NFATC2: variants seen among roughly 807,000 people sequenced by gnomAD.
NFATC2 encodes nuclear factor of activated T-cells, cytoplasmic 2.
Under a neutral mutation model 87.3 loss-of-function variants are expected in NFATC2, and 22 were observed. The ratio of observed to expected loss-of-function variants is 0.25; its 90% CI spans 0.18 to 0.36. The LOEUF (loss-of-function observed/expected upper bound fraction) is 0.36. NFATC2 is among the 10% of genes least tolerant of loss of function. The probability of loss-of-function intolerance (pLI) is 1.00; values close to 1 mark genes in which losing one functional copy is unlikely to be tolerated. For missense variants in NFATC2, 1,149 were observed against 1,259.1 expected, an observed-to-expected ratio of 0.91 and a Z score of 1.32; for synonymous variants, 565 against 542.2, an observed-to-expected ratio of 1.04 and a Z score of -0.58.
At chr20:51,490,996 A>T (rs968359419) in intron 3 of NFATC2, among the ~76,000 whole-genome samples, 1 of 152,068 alleles carries the variant, frequency 6.6e-6, no homozygotes, top group African/African-American at 2.4e-5. Context: ...GATTAAGAAA[A>T]CCACCCAGGT....
intron 1 of NFATC2, among the ~76,000 whole-genome samples, chr20:51,539,600 AAGCCTCCGAGT>A (rs1208527787): frequency 6.6e-6 from 1 of 152,102 alleles, no homozygotes; most frequent in Admixed American, 6.5e-5. Flanking sequence ...TCTCCTACCT[AAGCCTCCGAGT>A]AGCTGGGAAG....
intron 9 of NFATC2, among the ~76,000 whole-genome samples, chr20:51,424,275 G>A (rs1222045313): frequency 6.6e-6 from 1 of 152,222 alleles, no homozygotes; most frequent in African/African-American, 2.4e-5. Context: ...TGAATTTACA[G>A]AGGTAGCCTG....
Position 51,389,954 on chromosome 20 carries a change from ATGGCTGAAAAATGAATCCCCCGC to A in NFATC2, c.*1519_*1541del, listed in dbSNP as rs1274849702. 1 of 152,202 alleles carries A rather than the reference ATGGCTGAAAAATGAATCCCCCGC, an allele frequency of 6.6e-6. No individual in the cohort carries two copies. Among genetic ancestry groups the A allele is most frequent in the Non-Finnish European group, 1.5e-5 (1 of 68,034 alleles). 9.4% of individuals were successfully genotyped at this position (152,202 alleles called of 1,614,324 possible). A position where few individuals can be genotyped will look rare whatever the true frequency, so the allele number is the denominator to read the frequency against. On this transcript the variant is annotated 3_prime_UTR_variant, in exon 11 of 11. Coordinates refer to ENST00000371564, the MANE Select transcript of NFATC2 (RefSeq NM_012340.5). Reference sequence around the variant, plus strand: ...TGCGGATTATTGAGGAAACAACTGAATGGCTGAAAAATGAATCCCCCGCTTGTCCTGGGGTATCTGCAGTACAT... The same window carrying A: ...TGCGGATTATTGAGGAAACAACTGAATTGTCCTGGGGTATCTGCAGTACAT...
chr20:51,423,276 T>G (rs1600701044), intron 9 of NFATC2, among the ~76,000 whole-genome samples: 1 of 109,064 alleles, frequency 9.2e-6, no homozygotes, highest in African/African-American at 3.9e-5. Flanking sequence ...GGTGACAGAG[T>G]GAGAGACCCT....
chr20:51,398,190 A>G (rs1568925650), intron 10 of NFATC2, among the ~76,000 whole-genome samples: 2 of 152,170 alleles, frequency 1.3e-5, no homozygotes, highest in African/African-American at 4.8e-5. Flanking sequence ...AGGATTGGAA[A>G]TGACCTAAGC....
chr20:51,504,417 T>C (rs1038635250), intron 3 of NFATC2, among the ~76,000 whole-genome samples: 1 of 152,192 alleles, frequency 6.6e-6, no homozygotes, highest in Admixed American at 6.5e-5. Context: ...ATCATAGGCA[T>C]GACTCAAAGT....
Position 51,432,223 on chromosome 20 carries a change from T to C in NFATC2, c.2566A>G (p.Ser856Gly). The C allele has an allele frequency of 1.2e-6, 2 of 1,613,880 alleles. No individual in the cohort carries two copies. The highest frequency in any genetic ancestry group is 1.7e-6 in the Non-Finnish European group (2 of 1,179,838). The stretch of plus-strand genomic sequence containing the variant: ...ATGACTGTGGGGTAGGAACCCGGGC[T>C]CAGCCTCTGACCTTGACTGACCGGG... ...PPPVSQGQRLSPGSYPTVIQQ... is the reference protein window; with the variant it reads ...PPPVSQGQRLGPGSYPTVIQQ... The change falls in exon 9 of 11, where the codon AGC becomes GGC. Residue 856 changes from serine to glycine, a missense_variant. Ser to Gly is a moderately conservative substitution (Grantham distance 56). Around this residue, in one of 3 missense-constraint regions of NFATC2, gnomAD observed 581 missense variants for 649.7 expected, o/e 0.89. Coordinates refer to ENST00000371564, the MANE Select transcript of NFATC2 (RefSeq NM_012340.5). This position sits in a 1 kb window ranked among gnomAD's most constrained non-coding sequence, Gnocchi z 4.6.
intron 3 of NFATC2, among the ~76,000 whole-genome samples, chr20:51,504,117 G>T (rs2076136768): frequency 6.6e-6 from 1 of 152,112 alleles, no homozygotes; most frequent in Non-Finnish European, 1.5e-5. Context: ...CCGCCTCCCG[G>T]GTTCAAGCGA....
At chr20:51,403,088 C>A (rs926829329) in intron 9 of NFATC2, among the ~76,000 whole-genome samples, 1 of 152,208 alleles carries the variant, frequency 6.6e-6, no homozygotes, top group Non-Finnish European at 1.5e-5. Flanking sequence ...CCAACTCAAG[C>A]GCACGTCCTG....
In NFATC2 at chr20:51,454,552, G is replaced by A. The variant is rs1568998945; in HGVS notation, c.1845C>T (p.Thr615=). ...AGAGCTCAAAAATCCACTGACCTGT[G>A]GTCTTCTCAGTAAACACAACTTTGG... The part of the protein sequence containing the change: ...SESKVVFTEK[T]TDGQQIWEME... Residue 615 remains threonine, a synonymous_variant, in exon 6 of 11, where the codon ACC becomes ACT. Transcript: ENST00000371564. 6.2e-7 allele frequency: 1 copy of A among 1,613,950 alleles called. No homozygotes were observed. The highest frequency in any genetic ancestry group is 1.6e-4 in the Middle Eastern group (1 of 6,062).
At chr20:51,539,385 AGGTG>A in intron 1 of NFATC2, among the ~76,000 whole-genome samples, 1 of 152,198 alleles carries the variant, frequency 6.6e-6, no homozygotes, top group Non-Finnish European at 1.5e-5. Flanking sequence ...AAGCAAAGAG[AGGTG>A]ACTGCTATTA....
intron 1 of NFATC2, among the ~76,000 whole-genome samples, chr20:51,553,913 C>T (rs1568759764): frequency 6.6e-6 from 1 of 152,080 alleles, no homozygotes; most frequent in East Asian, 1.9e-4. Context: ...TACCTGTCAC[C>T]GTCGGCCCAC....
Position 51,562,156 on chromosome 20 carries a change from G to GA in NFATC2, c.70+403dup, listed in dbSNP as rs762208611. Among the ~76,000 whole-genome samples, 4 of 151,892 alleles carry GA rather than the reference G, an allele frequency of 2.6e-5. No homozygotes were observed. The highest frequency in any genetic ancestry group is 2.1e-4 in the South Asian group (1 of 4,814). Reference sequence around the variant, plus strand: ...AAATGCCAAGCCTGTTCTCTTAAAAGAAAAAAAAGTAATAATAATAATACT... The same window carrying GA: ...AAATGCCAAGCCTGTTCTCTTAAAAGAAAAAAAAAGTAATAATAATAATACT... On this transcript the variant is annotated intron_variant, in intron 1 of 10. Coordinates refer to the NFATC2 transcript ENST00000414705. This position sits in a 1 kb window ranked among gnomAD's most constrained non-coding sequence, Gnocchi z 5.8.
chr20:51,425,208 T>A (rs1253079002), intron 9 of NFATC2, among the ~76,000 whole-genome samples: 1 of 152,176 alleles, frequency 6.6e-6, no homozygotes, highest in Non-Finnish European at 1.5e-5. Flanking sequence ...TTTTTATATA[T>A]TTTTCCTAAA....
At chr20:51,410,452 G>C (rs2426307) in intron 9 of NFATC2, among the ~76,000 whole-genome samples, 129,574 of 152,042 alleles carry the variant, frequency 0.85, 55,423 homozygotes, top group South Asian at 0.91. Flanking sequence ...CTTAGGGGGA[G>C]GGGTAAGTAC....
chr20:51,495,277 G>GA (rs1568688240), intron 3 of NFATC2, among the ~76,000 whole-genome samples: 1 of 152,008 alleles, frequency 6.6e-6, no homozygotes, highest in African/African-American at 2.4e-5. Context: ...TTGTAGACAC[G>GA]GGATTTCACC....
chr20:51,482,811 C>T (rs567089472), intron 3 of NFATC2, among the ~76,000 whole-genome samples: 125 of 152,224 alleles, frequency 8.2e-4, no homozygotes, highest in Non-Finnish European at 1.5e-3. Context: ...TCCAGGCACA[C>T]AGATCAACAT....
At chr20:51,561,893 T>C (rs1211433934) in intron 1 of NFATC2, among the ~76,000 whole-genome samples, 5 of 151,952 alleles carry the variant, frequency 3.3e-5, no homozygotes, top group Non-Finnish European at 7.4e-5. Flanking sequence ...ATCCAAGTGG[T>C]GTGATACCAG....
Position 51,473,882 on chromosome 20 carries a change from G to T in NFATC2, c.1708+98C>A, listed in dbSNP as rs910886523. The T allele has an allele frequency of 1.3e-5, 17 of 1,340,458 alleles. No homozygotes were observed. In the African/African-American group the frequency reaches 2.0e-4, roughly 16 times the overall value. 83.0% of individuals were successfully genotyped at this position (1,340,458 alleles called of 1,614,324 possible). A position where few individuals can be genotyped will look rare whatever the true frequency, so the allele number is the denominator to read the frequency against. On this transcript the variant is annotated intron_variant, in intron 5 of 10. Coordinates refer to ENST00000371564, the MANE Select transcript of NFATC2 (RefSeq NM_012340.5). ...CTGTGGGTCCCACACATTCCCGCAG[G>T]CCACCCCGGGTACCTCGCCCAGAAT...
Sources: allele counts gnomAD v4.1 joint callset (sites outside exome capture counted in the v4.1 genomes callset), GRCh38; gene constraint gnomAD v4.1.1; regional missense constraint gnomAD v4.1.1; non-coding constraint Gnocchi (gnomAD v3.1); transcripts MANE v1.5; gene names NCBI Gene and HGNC (gene_info 2026-07-23, HGNC 2026-07-21).